Variants in PRKCB observed in about 807,000 individuals in gnomAD.
PRKCB encodes protein kinase C beta, also known as protein kinase C beta type.
PRKCB carries 13 observed loss-of-function variants against 81.5 expected under a neutral mutation model. That is an observed-to-expected ratio of 0.16 (90% CI 0.10 to 0.25). PRKCB has a LOEUF of 0.25. Ranked by LOEUF, PRKCB falls within the 10% of genes least tolerant of loss-of-function variation. The pLI, the probability that PRKCB is intolerant of heterozygous loss-of-function variation, is 1.00. For synonymous variants in PRKCB, 335 were observed against 321.4 expected (o/e 1.04, Z -0.45); for missense variants, 509 against 875.7 (o/e 0.58, Z 5.29).
chr16:23,970,731 G>A (rs1245851697), intron 2 of PRKCB, among the ~76,000 whole-genome samples: 1 of 152,218 alleles, frequency 6.6e-6, no homozygotes, highest in Non-Finnish European at 1.5e-5. Context: ...GGCCCCTGGG[G>A]CTCAAAAGGT....
intron 5 of PRKCB, among the ~76,000 whole-genome samples, chr16:24,055,077 A>G (rs985177881): frequency 1.3e-5 from 2 of 152,222 alleles, no homozygotes; most frequent in African/African-American, 4.8e-5. Context: ...TCAGTATGCA[A>G]TGCAAATGAG....
At chr16:24,019,354 T>G (rs933319372) in intron 3 of PRKCB, among the ~76,000 whole-genome samples, 1 of 151,718 alleles carries the variant, frequency 6.6e-6, no homozygotes, top group African/African-American at 2.4e-5. Flanking sequence ...TGAAAATAAT[T>G]TTAAAAAGAA....
At chr16:24,026,403 G>A (rs1420941995) in intron 3 of PRKCB, among the ~76,000 whole-genome samples, 1 of 152,194 alleles carries the variant, frequency 6.6e-6, no homozygotes, top group Non-Finnish European at 1.5e-5. Context: ...TGTTGATATG[G>A]AGAAAGGTCT....
At chr16:24,182,893 G>GTGTGTT (rs1225797318) in intron 13 of PRKCB, among the ~76,000 whole-genome samples, 1 of 151,710 alleles carries the variant, frequency 6.6e-6, no homozygotes, top group Non-Finnish European at 1.5e-5. Flanking sequence ...GTGTGTGTGT[G>GTGTGTT]TGTGTGTGTT....
At chr16:23,966,559 T>G (rs1464229351) in intron 2 of PRKCB, among the ~76,000 whole-genome samples, 8 of 152,194 alleles carry the variant, frequency 5.3e-5, no homozygotes, top group Admixed American at 5.2e-4. Context: ...TTATTATCCC[T>G]TCGAATCTAA....
rs1212346471 is a variant in PRKCB, at chr16:24,217,830, G to A, written c.*3014G>A. On this transcript the variant is annotated 3_prime_UTR_variant, in exon 17 of 17. Transcript: ENST00000643927. ...ATACCTGCCTTTTAGCTCACACACT[G>A]TCCTGGAGTTCTCAGACCTTTAGGG... The A allele has an allele frequency of 1.0e-6, 1 of 985,464 alleles. No homozygotes were observed. Among genetic ancestry groups the A allele is most frequent in the Admixed American group, 6.1e-5 (1 of 16,280 alleles). 61.0% of individuals were successfully genotyped at this position (985,464 alleles called of 1,614,324 possible).
chr16:23,880,495 A>G (rs1236289413), intron 2 of PRKCB, among the ~76,000 whole-genome samples: 4 of 151,964 alleles, frequency 2.6e-5, no homozygotes, highest in Admixed American at 2.6e-4. Flanking sequence ...TTGAGCTCCA[A>G]AAGGTCTGTT....
At chr16:23,900,677 G>C (rs77337909) in intron 2 of PRKCB, among the ~76,000 whole-genome samples, 2,988 of 139,850 alleles carry the variant, frequency 0.021, 54 homozygotes, top group South Asian at 0.056. Context: ...TTTCATATCA[G>C]CGCATATAGA....
At chr16:24,191,037 T>C in intron 15 of PRKCB, 53 bp from the exon 16 acceptor site, 2 of 1,582,108 alleles carry the variant, frequency 1.3e-6, no homozygotes, top group Non-Finnish European at 1.7e-6. Context: ...CTGAGTGTCT[T>C]ACATTTCCTC....
chr16:24,004,295 A>C (rs1373518533), intron 3 of PRKCB, among the ~76,000 whole-genome samples: 6 of 152,234 alleles, frequency 3.9e-5, no homozygotes, highest in African/African-American at 1.4e-4. Flanking sequence ...AGGTTTTAAA[A>C]ATAAAAGGGA....
chr16:23,945,135 G>A (rs1462265307), intron 2 of PRKCB, among the ~76,000 whole-genome samples: 1 of 152,130 alleles, frequency 6.6e-6, no homozygotes, highest in Non-Finnish European at 1.5e-5. Context: ...CTAGGGGAAC[G>A]GGACAGTGGT....
Position 24,216,004 on chromosome 16 carries a change from AAAG to A in PRKCB, c.*1197_*1199del. 1 of 984,616 alleles carries A rather than the reference AAAG, an allele frequency of 1.0e-6. No individual in the cohort carries two copies. The allele number at this position is 984,616 out of a possible 1,614,324, so 61.0% of individuals were successfully genotyped here. On this transcript the variant is annotated 3_prime_UTR_variant, in exon 17 of 17. Coordinates refer to ENST00000643927, the MANE Select transcript of PRKCB (RefSeq NM_002738.7). ...GATACAATAAAAAAAAAAAAAAAGAAAAGAAGAAGAAATACTATTTCAAGGAAA... is the reference window on the plus strand; with the variant it reads ...GATACAATAAAAAAAAAAAAAAAGAAAAGAAGAAATACTATTTCAAGGAAA...
At chr16:24,120,465 T>TG (rs1966787178) in intron 8 of PRKCB, among the ~76,000 whole-genome samples, 1 of 152,194 alleles carries the variant, frequency 6.6e-6, no homozygotes, top group South Asian at 2.1e-4. Flanking sequence ...TAAGCTGCTG[T>TG]GGGGAAGAGG....
chr16:24,182,873 T>TTGTGTGTGTGTGTGTGTGTGTGTGTG (rs10524225), intron 13 of PRKCB, among the ~76,000 whole-genome samples: 8,019 of 133,312 alleles, frequency 0.06, 423 homozygotes, highest in African/African-American at 0.086. Context: ...ACATTGTTTC[T>TTGTGTGTGTGTGTGTGTGTGTGTGTG]TGTGTGTGTG....
At chr16:24,017,727 T>C (rs1465447698) in intron 3 of PRKCB, among the ~76,000 whole-genome samples, 2 of 152,080 alleles carry the variant, frequency 1.3e-5, no homozygotes, top group Non-Finnish European at 1.5e-5. Flanking sequence ...ACATTTCTTC[T>C]TTTTTTGTTT....
chr16:24,133,209 CA>C lies in PRKCB; in HGVS notation c.1065+9234del, dbSNP rs200233493. On this transcript the variant is annotated intron_variant, in intron 9 of 16. Coordinates refer to ENST00000643927, the MANE Select transcript of PRKCB (RefSeq NM_002738.7). ...AAGGGAGACCCCATCTCTATAAAAG[CA>C]AAAAACAAAAAAAAATTGCATGCCT... Among the ~76,000 whole-genome samples, 85 of 151,166 alleles carry C rather than the reference CA, an allele frequency of 5.6e-4. 1 individual carries two copies. The East Asian group carries it at 0.015, about 27-fold the overall frequency.
In PRKCB at chr16:23,949,527, C is replaced by T. The variant is rs148793005; in HGVS notation, c.206-38981C>T. Reference sequence around the variant, plus strand: ...CCGTTCTGCCCCTCTTTTTTCTCTACCTTCTATCGTTTTATTCTTTGTCTC... The same window carrying T: ...CCGTTCTGCCCCTCTTTTTTCTCTATCTTCTATCGTTTTATTCTTTGTCTC... On this transcript the variant is annotated intron_variant, in intron 2 of 16. Transcript: ENST00000643927. Among the ~76,000 whole-genome samples, 244 of 152,314 alleles carry T rather than the reference C, an allele frequency of 1.6e-3. 2 individuals carry two copies. Among genetic ancestry groups the T allele is most frequent in the African/African-American group, 5.4e-3 (226 of 41,568 alleles).
chr16:23,860,096 C>T (rs929519754), intron 2 of PRKCB, among the ~76,000 whole-genome samples: 4 of 152,146 alleles, frequency 2.6e-5, no homozygotes, highest in Admixed American at 2.6e-4. Flanking sequence ...ATTCAAATCT[C>T]ATGACCCCAG....
At chr16:24,086,663 A>G (rs561547073) in intron 5 of PRKCB, among the ~76,000 whole-genome samples, 43 of 152,356 alleles carry the variant, frequency 2.8e-4, no homozygotes, top group Middle Eastern at 3.4e-3. Flanking sequence ...TAATAACACA[A>G]TTAATACAAG....
Sources: allele counts gnomAD v4.1 joint callset (sites outside exome capture counted in the v4.1 genomes callset), GRCh38; gene constraint gnomAD v4.1.1; transcripts MANE v1.5; gene names NCBI Gene and HGNC (gene_info 2026-07-23, HGNC 2026-07-21).